The following CDH12 variants were observed in gnomAD, a reference collection of about 807,000 sequenced individuals.
CDH12 encodes cadherin-12.
A neutral mutation model predicts 74.1 loss-of-function variants in CDH12; 41 were observed. That is an observed-to-expected ratio of 0.55 (90% CI 0.43 to 0.72). The LOEUF (loss-of-function observed/expected upper bound fraction) is 0.72. Among genes scored for constraint, CDH12 ranks in the 30% least tolerant of loss-of-function variants. The pLI is 0.00. For missense variants in CDH12, 945 were observed against 977.2 expected, an observed-to-expected ratio of 0.97 and a Z score of 0.44; for synonymous variants, 399 against 355.0, an observed-to-expected ratio of 1.12 and a Z score of -1.39.
chr5:22,823,812 G>T (rs551552575), intron 1 of CDH12, among the ~76,000 whole-genome samples: 1 of 152,156 alleles, frequency 6.6e-6, no homozygotes, highest in Admixed American at 6.5e-5. Flanking sequence ...AGACATGCCT[G>T]CTTCCCTTTC....
chr5:22,165,511 CAT>C (rs1748629098), intron 4 of CDH12, among the ~76,000 whole-genome samples: 6 of 7,522 alleles, frequency 8.0e-4, no homozygotes, highest in East Asian at 0.023. Flanking sequence ...TACACACACA[CAT>C]ACACACACAC....
chr5:22,466,621 G>T (rs2126596301), intron 2 of CDH12, among the ~76,000 whole-genome samples: 1 of 152,098 alleles, frequency 6.6e-6, no homozygotes, highest in African/African-American at 2.4e-5. Flanking sequence ...GAAAAAAGAG[G>T]AGGCTGCGGT....
In CDH12 at chr5:21,765,005, G is replaced by A. The variant is rs200815361; in HGVS notation, c.1488C>T (p.Ala496=). 1.8e-4 allele frequency: 296 copies of A among 1,613,250 alleles called. No individual in the cohort carries two copies. Among genetic ancestry groups the A allele is most frequent in the Middle Eastern group, 1.6e-4 (1 of 6,082 alleles). Residue 496 remains alanine, a synonymous_variant, in exon 12 of 15, where the codon GCC becomes GCT. Transcript: ENST00000382254. Reference sequence around the variant, plus strand: ...GTCCTGGCTTGGCATTTTCACACACGGCTGTCTCATATGGCACAGATATTT... The same window carrying A: ...GTCCTGGCTTGGCATTTTCACACACAGCTGTCTCATATGGCACAGATATTT... The part of the protein sequence containing the change: ...PPEISVPYET[A]VCENAKPGQI...
At chr5:21,894,382 G>GAAAAAAAAAAAAAAAAAA (rs376989106) in intron 6 of CDH12, among the ~76,000 whole-genome samples, 3 of 73,438 alleles carry the variant, frequency 4.1e-5, no homozygotes, top group Non-Finnish European at 5.8e-5. Context: ...CCGTCTCAAA[G>GAAAAAAAAAAAAAAAAAA]AAAAAAAAAA....
At chr5:22,064,603 A>C (rs997141854) in intron 5 of CDH12, among the ~76,000 whole-genome samples, 10 of 152,178 alleles carry the variant, frequency 6.6e-5, no homozygotes, top group African/African-American at 2.4e-4. Flanking sequence ...TCCTAACCAA[A>C]GTCTTGCAAG....
chr5:21,809,684 G>C (rs1747640952), intron 9 of CDH12, among the ~76,000 whole-genome samples: 1 of 152,084 alleles, frequency 6.6e-6, no homozygotes, highest in African/African-American at 2.4e-5. Flanking sequence ...AGTGAAAACA[G>C]TAAACCAACA....
chr5:22,700,683 T>C (rs1742669837), intron 1 of CDH12, among the ~76,000 whole-genome samples: 1 of 152,160 alleles, frequency 6.6e-6, no homozygotes, highest in South Asian at 2.1e-4. Flanking sequence ...CTTCTTACTA[T>C]CCTAAGGAGA....
intron 4 of CDH12, among the ~76,000 whole-genome samples, chr5:22,192,909 T>G (rs1750389373): frequency 6.6e-6 from 1 of 152,216 alleles, no homozygotes; most frequent in African/African-American, 2.4e-5. Flanking sequence ...TATACTTGCC[T>G]GCATAGGCAA....
At chr5:22,818,363 T>C (rs558333635) in intron 1 of CDH12, among the ~76,000 whole-genome samples, 1 of 152,220 alleles carries the variant, frequency 6.6e-6, no homozygotes, top group South Asian at 2.1e-4. Flanking sequence ...GTATTATACA[T>C]CACAGCTTTC....
intron 2 of CDH12, among the ~76,000 whole-genome samples, chr5:22,407,237 T>TTCTCCTA (rs1318983390): frequency 1.3e-5 from 2 of 152,090 alleles, no homozygotes; most frequent in African/African-American, 2.4e-5. Flanking sequence ...CACAAATGTC[T>TTCTCCTA]TCTCCTATGA....
intron 6 of CDH12, among the ~76,000 whole-genome samples, chr5:21,963,909 G>C (rs1305594908): frequency 6.6e-6 from 1 of 151,894 alleles, no homozygotes; most frequent in African/African-American, 2.4e-5. Context: ...TTCCTCTCCT[G>C]TTTTCCTAGT....
At chr5:22,317,179 G>A (rs944496561) in intron 3 of CDH12, among the ~76,000 whole-genome samples, 1 of 152,006 alleles carries the variant, frequency 6.6e-6, no homozygotes, top group Non-Finnish European at 1.5e-5. Context: ...TTATTCAGGT[G>A]TACTGGCGGG....
At chr5:22,623,547 G>A (rs945736511) in intron 1 of CDH12, among the ~76,000 whole-genome samples, 2 of 152,124 alleles carry the variant, frequency 1.3e-5, no homozygotes, top group Non-Finnish European at 2.9e-5. Context: ...CAAATCATGA[G>A]TGAACTCCCA....
chr5:22,641,530 A>G (rs1580843619), intron 1 of CDH12, among the ~76,000 whole-genome samples: 2 of 152,156 alleles, frequency 1.3e-5, no homozygotes, highest in East Asian at 3.9e-4. Flanking sequence ...CCAGAGCAGC[A>G]CTTTACCGGT....
chr5:22,346,458 T>C (rs915201232), intron 3 of CDH12, among the ~76,000 whole-genome samples: 1 of 152,192 alleles, frequency 6.6e-6, no homozygotes, highest in Admixed American at 6.5e-5. Flanking sequence ...ATCACATCAT[T>C]GTCTTCACAG....
intron 4 of CDH12, among the ~76,000 whole-genome samples, chr5:22,172,735 G>T (rs1190757010): frequency 6.6e-6 from 1 of 151,650 alleles, no homozygotes; most frequent in Non-Finnish European, 1.5e-5. Context: ...TTTATTGAAT[G>T]CATTTCCTTT....
chr5:22,643,814 T>C (rs1480114867), intron 1 of CDH12, among the ~76,000 whole-genome samples: 1 of 142,210 alleles, frequency 7.0e-6, no homozygotes, highest in Non-Finnish European at 1.5e-5. Context: ...ATCAGTACCA[T>C]TTTTCCAACG....
chr5:22,559,525 T>C (rs1738949321), intron 1 of CDH12, among the ~76,000 whole-genome samples: 1 of 152,078 alleles, frequency 6.6e-6, no homozygotes, highest in Non-Finnish European at 1.5e-5. Flanking sequence ...GTGCTATGAA[T>C]CTTTCAAAAA....
At chr5:22,769,199 T>C (rs1414913652) in intron 1 of CDH12, among the ~76,000 whole-genome samples, 1 of 152,128 alleles carries the variant, frequency 6.6e-6, no homozygotes, top group Non-Finnish European at 1.5e-5. Context: ...AAATTAACAT[T>C]TGAGTCAGTG....
Sources: allele counts gnomAD v4.1 joint callset (sites outside exome capture counted in the v4.1 genomes callset), GRCh38; gene constraint gnomAD v4.1.1; transcripts MANE v1.5; gene names NCBI Gene and HGNC (gene_info 2026-07-23, HGNC 2026-07-21).